Variants in SEC23IP observed in about 807,000 individuals in gnomAD.
SEC23IP encodes the protein SEC23-interacting protein.
Under a neutral mutation model 113.4 loss-of-function variants are expected in SEC23IP, and 70 were observed. That is an observed-to-expected ratio of 0.62 (90% confidence interval 0.51 to 0.75). The LOEUF (loss-of-function observed/expected upper bound fraction) is 0.75. Ranked by LOEUF, SEC23IP falls within the 30% of genes least tolerant of loss-of-function variation. SEC23IP has a pLI of 0.00. For missense variants in SEC23IP, 1,160 were observed against 1,204.9 expected, an observed-to-expected ratio of 0.96 and a Z score of 0.55; for synonymous variants, 398 against 421.0, an observed-to-expected ratio of 0.95 and a Z score of 0.67.
In SEC23IP at chr10:119,943,950, A is replaced by C. The variant is rs1856019663; in HGVS notation, c.*3385A>C. The C allele has an allele frequency of 6.6e-6, 1 of 152,202 alleles. No individual in the cohort carries two copies. The highest frequency in any genetic ancestry group is 1.5e-5 in the Non-Finnish European group (1 of 68,034). 9.4% of individuals were successfully genotyped at this position (152,202 alleles called of 1,614,324 possible). A position where few individuals can be genotyped will look rare whatever the true frequency, so the allele number is the denominator to read the frequency against. The stretch of plus-strand genomic sequence containing the variant: ...ATGTTTGTCTTTCATTTCTTGTATA[A>C]AGAGTGGTTTTTAAAAGACCTTACT... On this transcript the variant is annotated 3_prime_UTR_variant, in exon 19 of 19. Transcript: ENST00000369075.
intron 1 of SEC23IP, 113 bp from the exon 2 acceptor site, chr10:119,898,314 A>G: frequency 7.4e-7 from 1 of 1,353,622 alleles, no homozygotes; most frequent in South Asian, 2.5e-5. Context: ...ATGCAGAAAT[A>G]GCAAGTTTGA....
intron 12 of SEC23IP, among the ~76,000 whole-genome samples, chr10:119,922,585 C>A (rs765960268): frequency 2.6e-5 from 4 of 152,216 alleles, no homozygotes; most frequent in Non-Finnish European, 5.9e-5. Context: ...GTGGAGGCGG[C>A]TGCAATCTTA....
intron 2 of SEC23IP, among the ~76,000 whole-genome samples, chr10:119,900,042 C>T (rs1475224190): frequency 6.6e-6 from 1 of 150,816 alleles, no homozygotes; most frequent in Non-Finnish European, 1.5e-5. Context: ...TCCCTCCCTT[C>T]CCCTCATCGT....
At position 119,937,180 on chromosome 10, in the gene SEC23IP, C is replaced by G. The variant is rs1855820478; in HGVS notation, c.*20+3393C>G. Reference sequence around the variant, plus strand: ...GTGAGCCACCGTGCCCGGCCAGGGTCCTTTTCTTTCTTATGGATTTATAAA... The same window carrying G: ...GTGAGCCACCGTGCCCGGCCAGGGTGCTTTTCTTTCTTATGGATTTATAAA... On this transcript the variant is annotated intron_variant, in intron 18 of 18. Coordinates refer to ENST00000369075, the MANE Select transcript of SEC23IP (RefSeq NM_007190.4). 2.0e-5 allele frequency among the ~76,000 whole-genome samples: 3 copies of G among 151,654 alleles called. No individual in the cohort carries two copies. The South Asian group carries it at 6.3e-4, about 32-fold the overall frequency.
At chr10:119,926,508 A>G (rs1855429925) in intron 13 of SEC23IP, among the ~76,000 whole-genome samples, 1 of 152,238 alleles carries the variant, frequency 6.6e-6, no homozygotes, top group Non-Finnish European at 1.5e-5. Flanking sequence ...CACTAACAAC[A>G]GAAGTGGCCA....
In SEC23IP at chr10:119,918,418, G is replaced by A. The variant is rs141066887; in HGVS notation, c.1779G>A (p.Leu593=). The A allele has an allele frequency of 5.6e-6, 9 of 1,609,778 alleles. No homozygotes were observed. The East Asian group carries it at 1.8e-4, about 32-fold the overall frequency. ...GTTCTTTAATATTGTTTGACATCCT[G>A]TCTAATCAAAAAGATTTGAATTTAT... is the stretch of plus-strand genomic sequence containing the variant. ...SLGSLILFDI[L]SNQKDLNLSK... Residue 593 remains leucine, a synonymous_variant, in exon 10 of 19, where the codon CTG becomes CTA. Coordinates refer to ENST00000369075, the MANE Select transcript of SEC23IP (RefSeq NM_007190.4).
rs1455211534 is a variant in SEC23IP, at chr10:119,902,915, CCA to C, written c.815_816del (p.His272LeufsTer17). 3 of 1,614,154 alleles carry C rather than the reference CCA, an allele frequency of 1.9e-6. No homozygotes were observed. The highest frequency in any genetic ancestry group is 2.5e-6 in the Non-Finnish European group (3 of 1,180,008). On this transcript the variant is annotated frameshift_variant, in exon 3 of 19. Coordinates refer to ENST00000369075, the MANE Select transcript of SEC23IP (RefSeq NM_007190.4). LOFTEE classifies it high-confidence loss of function. Reference sequence around the variant, plus strand: ...AAAACCAATATGAGCCTGTTCAGCCCCACTGGTTTTACTGCAAGGAGGTAGAA... The same window carrying C: ...AAAACCAATATGAGCCTGTTCAGCCCCTGGTTTTACTGCAAGGAGGTAGAA... ...LQNQYEPVQP[H>X]WFYCKEVEYK... is the part of the protein sequence containing the mutation.
chr10:119,917,535 C>T (rs1855092705), intron 8 of SEC23IP, among the ~76,000 whole-genome samples: 1 of 152,094 alleles, frequency 6.6e-6, no homozygotes, highest in African/African-American at 2.4e-5. Flanking sequence ...TACACCACCA[C>T]ACTCGGCTAA....
At chr10:119,893,051 A>ATAGCTT in intron 1 of SEC23IP, 106 bp downstream of exon 1, 6 of 1,262,306 alleles carry the variant, frequency 4.8e-6, no homozygotes, top group Non-Finnish European at 6.6e-6. Flanking sequence ...TACCCTCTGG[A>ATAGCTT]TAGCTTGCCA....
At chr10:119,931,537 G>C (rs954284402) in intron 15 of SEC23IP, among the ~76,000 whole-genome samples, 7 of 151,092 alleles carry the variant, frequency 4.6e-5, no homozygotes, top group African/African-American at 1.7e-4. Context: ...AACAAAAAAG[G>C]CATAAGAATG....
chr10:119,932,875 A>C (rs1855652780), intron 16 of SEC23IP, 130 bp from the exon 17 acceptor site: 3 of 718,826 alleles, frequency 4.2e-6, no homozygotes, highest in Non-Finnish European at 6.8e-6. Context: ...AGGAACGGGG[A>C]GTGAGCCTGG....
rs759725066 is a variant in SEC23IP, at chr10:119,918,515, C to A, written c.1872+4C>A. 11 of 1,531,426 alleles carry A rather than the reference C, an allele frequency of 7.2e-6. No individual in the cohort carries two copies. The African/African-American group carries it at 1.5e-4, about 21-fold the overall frequency. 94.9% of individuals were successfully genotyped at this position (1,531,426 alleles called of 1,614,324 possible). A position where few individuals can be genotyped will look rare whatever the true frequency, so the allele number is the denominator to read the frequency against. On this transcript the variant is annotated splice_donor_region_variant and intron_variant, in intron 10 of 18. Coordinates refer to ENST00000369075, the MANE Select transcript of SEC23IP (RefSeq NM_007190.4). ...GCTACATTTTCAGGAAAAGCAGGTA[C>A]GTCTGTACGTGGCCAATTAACATTT... is the stretch of plus-strand genomic sequence containing the variant.
intron 8 of SEC23IP, 63 bp downstream of exon 8, chr10:119,915,952 T>C: frequency 7.8e-7 from 1 of 1,289,554 alleles, no homozygotes; most frequent in Non-Finnish European, 1.0e-6. Context: ...ATTTAAACCG[T>C]AATATGAAAT....
chr10:119,910,859 T>G (rs1589831207), intron 5 of SEC23IP, among the ~76,000 whole-genome samples: 1 of 136,320 alleles, frequency 7.3e-6, no homozygotes, highest in African/African-American at 2.5e-5. Context: ...TTTTAAGACT[T>G]TTTTTTGCAG....
In SEC23IP at chr10:119,940,669, A is replaced by G. The variant is rs536332290; in HGVS notation, c.*104A>G. On this transcript the variant is annotated 3_prime_UTR_variant, in exon 19 of 19. Transcript: ENST00000369075. The stretch of plus-strand genomic sequence containing the variant: ...AGGACTTTCCCACTTCGCTCCTGTG[A>G]TGGATGACAGAAGAGTGATTCATTA... 5 of 151,820 alleles carry G rather than the reference A, an allele frequency of 3.3e-5. No individual in the cohort carries two copies. In the East Asian group the frequency reaches 7.8e-4, roughly 24 times the overall value. 9.4% of individuals were successfully genotyped at this position (151,820 alleles called of 1,614,324 possible).
intron 1 of SEC23IP, among the ~76,000 whole-genome samples, chr10:119,893,645 G>C (rs544069402): frequency 2.7e-5 from 4 of 149,148 alleles, no homozygotes; most frequent in Non-Finnish European, 5.9e-5. Flanking sequence ...TCAGCCTCCC[G>C]AGTAGCTGGG....
At chr10:119,939,184 T>A (rs769386943) in intron 18 of SEC23IP, among the ~76,000 whole-genome samples, 13 of 151,704 alleles carry the variant, frequency 8.6e-5, no homozygotes, top group Non-Finnish European at 1.6e-4. Context: ...TGGGGCATGA[T>A]GGTGTGCACC....
At chr10:119,922,227 A>G (rs1044053053) in intron 12 of SEC23IP, among the ~76,000 whole-genome samples, 1 of 152,090 alleles carries the variant, frequency 6.6e-6, no homozygotes, top group Admixed American at 6.6e-5. Flanking sequence ...ATGGTGCTTG[A>G]GCTTGAAGGA....
chr10:119,893,441 A>G (rs936195268), intron 1 of SEC23IP, among the ~76,000 whole-genome samples: 7 of 151,214 alleles, frequency 4.6e-5, no homozygotes, highest in African/African-American at 1.2e-4. Flanking sequence ...AAGATATCTT[A>G]TAAGATGGAC....
Sources: gnomAD v4.1 joint callset for allele counts (sites outside exome capture counted in the v4.1 genomes callset) on GRCh38, gnomAD v4.1.1 for gene constraint, MANE v1.5 for transcripts, NCBI Gene and HGNC (gene_info 2026-07-23, HGNC 2026-07-21) for gene names.